The following MACF1 variants were observed in gnomAD, a reference collection of about 807,000 sequenced individuals.
The protein encoded by MACF1 is microtubule-actin cross-linking factor 1.
In MACF1, 193 loss-of-function variants were observed where a neutral mutation model predicts 854.8. The ratio of observed to expected loss-of-function variants is 0.23; its 90% confidence interval spans 0.20 to 0.25. The LOEUF (loss-of-function observed/expected upper bound fraction) is 0.25. MACF1 is among the 10% of genes least tolerant of loss of function. The pLI, the probability that MACF1 is intolerant of heterozygous loss-of-function variation, is 1.00. For synonymous variants in MACF1, 3,185 were observed against 3,226.7 expected (o/e 0.99, Z 0.44); for missense variants, 7,722 against 8,929.1 (o/e 0.86, Z 5.45).
intron 58 of MACF1, among the ~76,000 whole-genome samples, chr1:39,415,012 T>C (rs1246024805): frequency 6.6e-6 from 1 of 152,240 alleles, no homozygotes; most frequent in East Asian, 1.9e-4. Flanking sequence ...ACCAAGCGTA[T>C]AAGATTACCA....
At chr1:39,307,397 A>T (rs1399770051) in intron 23 of MACF1, among the ~76,000 whole-genome samples, 1 of 152,096 alleles carries the variant, frequency 6.6e-6, no homozygotes, top group Non-Finnish European at 1.5e-5. Flanking sequence ...GAACAGTCTG[A>T]TACTTTTACC....
intron 58 of MACF1, among the ~76,000 whole-genome samples, chr1:39,393,196 A>AAAAAAAATATAT (rs57576149): frequency 3.0e-5 from 2 of 66,576 alleles, no homozygotes; most frequent in African/African-American, 1.7e-4. Flanking sequence ...AAAAAAAAAA[A>AAAAAAAATATAT]ATATATATAT....
At chr1:39,134,034 CTTTTTTT>C (rs754585049) in intron 2 of MACF1, among the ~76,000 whole-genome samples, 4 of 71,602 alleles carry the variant, frequency 5.6e-5, no homozygotes, top group Non-Finnish European at 9.3e-5. Context: ...GAAGAACAGT[CTTTTTTT>C]TTTTTTTTTT....
chr1:39,164,135 A>G (rs1643860619), intron 2 of MACF1, among the ~76,000 whole-genome samples: 2 of 152,264 alleles, frequency 1.3e-5, no homozygotes, highest in South Asian at 2.1e-4. Context: ...TATTTAACAT[A>G]CTCCAGTAGC....
At chr1:39,432,711 G>C in intron 67 of MACF1, 57 bp downstream of exon 67, 4 of 1,536,338 alleles carry the variant, frequency 2.6e-6, no homozygotes, top group Non-Finnish European at 3.5e-6. Flanking sequence ...GAGTGACTAG[G>C]AGAGTTTCTG....
chr1:39,102,915 CT>C (rs1447070253), intron 2 of MACF1: 41 of 702,194 alleles, frequency 5.8e-5, no homozygotes, highest in African/African-American at 3.1e-4. Flanking sequence ...CCCATCCCCC[CT>C]GGCAGCCGCT....
At chr1:39,161,083 G>A (rs1157369918) in intron 2 of MACF1, among the ~76,000 whole-genome samples, 2 of 152,116 alleles carry the variant, frequency 1.3e-5, no homozygotes, top group African/African-American at 4.8e-5. Context: ...TTGGTGTTTT[G>A]ATCCAGAATT....
Position 39,443,572 on chromosome 1 carries a change from AT to A in MACF1, c.19430del (p.Met6477ArgfsTer7). On this transcript the variant is annotated frameshift_variant and splice_region_variant, in exon 79 of 101. Transcript: ENST00000564288. LOFTEE classifies it high-confidence loss of function. ...TGCTAGGGAACAGCTTGATACACAT[AT>A]GGTAATAGCAATTTTTTGAAATTGA... ...ETAREQLDTH[M>X]ELYSQLKAKE... is the part of the protein sequence containing the mutation. 6.3e-7 allele frequency: 1 copy of A among 1,593,370 alleles called. No homozygotes were observed. The highest frequency in any genetic ancestry group is 8.5e-7 in the Non-Finnish European group (1 of 1,174,352).
At position 39,235,129 on chromosome 1, in the gene MACF1, CGGCACTTTGGGA is replaced by C. The variant is rs1320820279; in HGVS notation, c.171+3890_171+3901del. The stretch of plus-strand genomic sequence containing the variant: ...GGCGGCCGGGCAGAGGCTGCAATCT[CGGCACTTTGGGA>C]GGCCAAGGCAGGCGGCTGGGAGGTG... On this transcript the variant is annotated intron_variant, in intron 2 of 100. Coordinates refer to ENST00000564288, the MANE Select transcript of MACF1 (RefSeq NM_001394062.1). 3.9e-5 allele frequency among the ~76,000 whole-genome samples: 6 copies of C among 152,004 alleles called. No individual in the cohort carries two copies. The East Asian group carries it at 1.2e-3, about 30-fold the overall frequency.
intron 16 of MACF1, among the ~76,000 whole-genome samples, 162 bp from the exon 17 acceptor site, chr1:39,292,604 G>A (rs909876978): frequency 1.3e-5 from 2 of 152,206 alleles, no homozygotes; most frequent in Admixed American, 6.5e-5. Context: ...GCTGCTCCAA[G>A]TTATAAAATA....
intron 2 of MACF1, chr1:39,103,094 C>T (rs1003481296): frequency 6.7e-6 from 4 of 593,366 alleles, no homozygotes; most frequent in Admixed American, 4.9e-5. Flanking sequence ...TAGAGAAGCT[C>T]TCTAGCCACA....
At chr1:39,264,865 G>A (rs986276653) in intron 6 of MACF1, among the ~76,000 whole-genome samples, 13 of 151,482 alleles carry the variant, frequency 8.6e-5, no homozygotes, top group East Asian at 1.9e-4. Flanking sequence ...TAGTAGAGAC[G>A]GGGTTTCACC....
intron 2 of MACF1, among the ~76,000 whole-genome samples, chr1:39,185,148 T>C (rs949168852): frequency 6.6e-6 from 1 of 151,506 alleles, no homozygotes; most frequent in Admixed American, 6.6e-5. Flanking sequence ...AAAAATTAGC[T>C]GGGCGTGGTG....
intron 23 of MACF1, among the ~76,000 whole-genome samples, chr1:39,303,552 CAAA>C (rs541776198): frequency 7.2e-6 from 1 of 138,850 alleles, no homozygotes; most frequent in Non-Finnish European, 1.6e-5. Context: ...GACTCTGTCT[CAAA>C]AAAAAAAAAG....
At chr1:39,367,369 T>A (rs915753651) in intron 49 of MACF1, among the ~76,000 whole-genome samples, 3 of 152,134 alleles carry the variant, frequency 2.0e-5, no homozygotes, top group Admixed American at 6.6e-5. Context: ...TAAATTAACT[T>A]TTTTTAAAAA....
At position 39,144,463 on chromosome 1, in the gene MACF1, A is replaced by G. The variant is rs905561366; in HGVS notation, c.220+60025A>G. On this transcript the variant is annotated intron_variant, in intron 2 of 93. Coordinates refer to the MACF1 transcript ENST00000361689. ...CTTCTAGTCAGTAAAAAGAAAAGTT[A>G]TTGAAGTTATTGATACTGCACCCAG... Among the ~76,000 whole-genome samples, 5 of 152,214 alleles carry G rather than the reference A, an allele frequency of 3.3e-5. No individual in the cohort carries two copies. In the East Asian group the frequency reaches 9.6e-4, roughly 29 times the overall value.
At chr1:39,176,146 C>A (rs11205724) in intron 2 of MACF1, among the ~76,000 whole-genome samples, 1 of 83,998 alleles carries the variant, frequency 1.2e-5, no homozygotes, top group Non-Finnish European at 2.9e-5. Context: ...TGGTGGCAGG[C>A]GCCTGTAATC....
intron 2 of MACF1, among the ~76,000 whole-genome samples, chr1:39,173,898 G>A (rs1447496038): frequency 5.9e-5 from 9 of 152,042 alleles, no homozygotes; most frequent in Non-Finnish European, 1.0e-4. Flanking sequence ...GAAGAAAAGC[G>A]CTTTTGATTA....
chr1:39,386,292 G>A (rs567749818), intron 57 of MACF1, among the ~76,000 whole-genome samples: 4 of 146,698 alleles, frequency 2.7e-5, no homozygotes, highest in East Asian at 3.9e-4. Context: ...ACACGGTCTC[G>A]CTCTGTCACC....
Sources: allele counts gnomAD v4.1 joint callset (sites outside exome capture counted in the v4.1 genomes callset), GRCh38; gene constraint gnomAD v4.1.1; transcripts MANE v1.5; gene names NCBI Gene and HGNC (gene_info 2026-07-23, HGNC 2026-07-21).